The following DNAH11 variants were observed in gnomAD, a reference collection of about 807,000 sequenced individuals.
The protein encoded by DNAH11 is axonemal beta dynein heavy chain 11.
DNAH11 carries 442 observed loss-of-function variants against 526.0 expected under a neutral mutation model. The ratio of observed to expected loss-of-function variants is 0.84; its 90% CI spans 0.78 to 0.91. DNAH11 has a LOEUF of 0.91. DNAH11 is among the 40% of genes least tolerant of loss of function. The probability of loss-of-function intolerance (pLI) is 0.00; values close to 1 mark genes in which losing one functional copy is unlikely to be tolerated. For missense variants in DNAH11, 6,989 were observed against 5,448.7 expected (o/e 1.28, Z -8.90); for synonymous variants, 2,461 against 1,935.9 (o/e 1.27, Z -7.12).
At chr7:21,616,538 C>T (rs1785792060) in intron 22 of DNAH11, among the ~76,000 whole-genome samples, 2 of 152,212 alleles carry the variant, frequency 1.3e-5, no homozygotes, top group African/African-American at 4.8e-5. Flanking sequence ...TAATTATGAG[C>T]TTCCTACAGC....
chr7:21,783,378 A>G (rs1032162067), intron 57 of DNAH11, among the ~76,000 whole-genome samples: 4 of 152,256 alleles, frequency 2.6e-5, no homozygotes, highest in Non-Finnish European at 4.4e-5. Context: ...GCTGTAGTAG[A>G]CAACATAATT....
chr7:21,810,668 G>T (rs1474120735), intron 63 of DNAH11, among the ~76,000 whole-genome samples: 1 of 152,112 alleles, frequency 6.6e-6, no homozygotes, highest in Non-Finnish European at 1.5e-5. Flanking sequence ...CAGTAATAAA[G>T]CTTTCATCAG....
Position 21,603,721 on chromosome 7 carries a change from G to C in DNAH11, c.3648+2103G>C, listed in dbSNP as rs182004100. On this transcript the variant is annotated intron_variant, in intron 18 of 81. Coordinates refer to ENST00000409508, the MANE Select transcript of DNAH11 (RefSeq NM_001277115.2). ...CATAACAAGATGAAGAGATAAAACA[G>C]TTACAGTAGAAACAACTATAAATAG... Among the ~76,000 whole-genome samples the C allele has an allele frequency of 1.9e-3, 284 of 152,294 alleles. 1 individual carries two copies. Among genetic ancestry groups the C allele is most frequent in the African/African-American group, 6.5e-3 (271 of 41,558 alleles).
At chr7:21,896,322 A>C (rs1247915579) in intron 79 of DNAH11, among the ~76,000 whole-genome samples, 1 of 152,106 alleles carries the variant, frequency 6.6e-6, no homozygotes, top group Non-Finnish European at 1.5e-5. Context: ...AACTGTCCTC[A>C]CTGCACTCTC....
At chr7:21,643,105 A>AT (rs1470491440) in intron 28 of DNAH11, among the ~76,000 whole-genome samples, 3 of 152,234 alleles carry the variant, frequency 2.0e-5, no homozygotes, top group Non-Finnish European at 4.4e-5. Flanking sequence ...TGCAGGATTC[A>AT]TTGACATGGT....
intron 38 of DNAH11, 75 bp downstream of exon 38, chr7:21,704,703 A>C: frequency 6.8e-7 from 1 of 1,461,820 alleles, no homozygotes; most frequent in East Asian, 2.4e-5. Context: ...TTGATACTAA[A>C]GCAAGATGTT....
chr7:21,873,069 T>C (rs1244013569), intron 73 of DNAH11, among the ~76,000 whole-genome samples: 1 of 151,154 alleles, frequency 6.6e-6, no homozygotes, highest in Admixed American at 6.6e-5. Context: ...TTTAATATGT[T>C]CAAGGTTCAA....
chr7:21,822,273 A>G (rs1340764097), intron 65 of DNAH11, among the ~76,000 whole-genome samples: 1 of 152,166 alleles, frequency 6.6e-6, no homozygotes, highest in South Asian at 2.1e-4. Flanking sequence ...ATCATGGTGG[A>G]AGGTAAACGG....
At chr7:21,725,679 A>G in intron 44 of DNAH11, 132 bp from the exon 45 acceptor site, 1 of 824,166 alleles carries the variant, frequency 1.2e-6, no homozygotes, top group Non-Finnish European at 1.9e-6. Flanking sequence ...TTATTTCACA[A>G]AATTTGTGCT....
intron 58 of DNAH11, among the ~76,000 whole-genome samples, chr7:21,786,226 C>T (rs1328762375): frequency 6.6e-6 from 1 of 151,844 alleles, no homozygotes; most frequent in Non-Finnish European, 1.5e-5. Flanking sequence ...AATTATGTGT[C>T]TGGGAGGGGC....
chr7:21,564,079 A>T, intron 5 of DNAH11, 107 bp from the exon 6 acceptor site: 2 of 717,748 alleles, frequency 2.8e-6, no homozygotes, highest in Non-Finnish European at 4.5e-6. Context: ...GACAACATTT[A>T]AGTGTGGCCA....
chr7:21,549,914 T>C (rs137966401), intron 2 of DNAH11, among the ~76,000 whole-genome samples: 6 of 152,296 alleles, frequency 3.9e-5, no homozygotes, highest in East Asian at 3.9e-4. Flanking sequence ...TTAAATCTTA[T>C]AGTTTGGGGT....
At chr7:21,585,094 A>C (rs1784439105) in intron 9 of DNAH11, among the ~76,000 whole-genome samples, 1 of 152,072 alleles carries the variant, frequency 6.6e-6, no homozygotes, top group African/African-American at 2.4e-5. Flanking sequence ...CTTAGGTAAA[A>C]GGTTTTTTTC....
At chr7:21,562,402 G>C (rs185625788) in intron 5 of DNAH11, among the ~76,000 whole-genome samples, 3 of 152,178 alleles carry the variant, frequency 2.0e-5, no homozygotes, top group Non-Finnish European at 4.4e-5. Flanking sequence ...CACTATGCAA[G>C]GTACTAGACA....
chr7:21,734,216 G>A (rs73275648), intron 45 of DNAH11, among the ~76,000 whole-genome samples: 19,420 of 152,086 alleles, frequency 0.13, 1,600 homozygotes, highest in African/African-American at 0.23. Flanking sequence ...CATGACCTCT[G>A]AAATAAAAAT....
chr7:21,895,157 C>T (rs919367319), intron 79 of DNAH11, among the ~76,000 whole-genome samples, 158 bp downstream of exon 79: 1 of 152,188 alleles, frequency 6.6e-6, no homozygotes, highest in Non-Finnish European at 1.5e-5. Context: ...TTTGAGTTTA[C>T]TTGGTATATT....
intron 52 of DNAH11, 94 bp from the exon 53 acceptor site, chr7:21,749,584 A>G (rs542370193): frequency 6.5e-7 from 1 of 1,532,816 alleles, no homozygotes; most frequent in South Asian, 1.3e-5. Flanking sequence ...TGCTATGGCG[A>G]TACAGTTACT....
chr7:21,780,170 G>T (rs1192980121), intron 57 of DNAH11, among the ~76,000 whole-genome samples: 2 of 152,136 alleles, frequency 1.3e-5, no homozygotes, highest in Non-Finnish European at 2.9e-5. Flanking sequence ...CATTTGGCAT[G>T]CCCTATGTGA....
chr7:21,629,830 T>C (rs1054704688), intron 25 of DNAH11, among the ~76,000 whole-genome samples: 8 of 152,244 alleles, frequency 5.3e-5, no homozygotes, highest in South Asian at 2.1e-4. Context: ...GAAGTGGGTT[T>C]CTTGTAGGCA....
Sources: allele counts gnomAD v4.1 joint callset (sites outside exome capture counted in the v4.1 genomes callset), GRCh38; gene constraint gnomAD v4.1.1; transcripts MANE v1.5; gene names NCBI Gene and HGNC (gene_info 2026-07-23, HGNC 2026-07-21).